Variants in PARD3B observed in about 807,000 individuals in gnomAD.
The protein encoded by PARD3B is par-3 family cell polarity regulator beta.
Under a neutral mutation model 130.2 loss-of-function variants are expected in PARD3B, and 103 were observed. The observed-to-expected ratio is 0.79, with a 90% CI of 0.67 to 0.93. The LOEUF is 0.93. Among genes scored for constraint, PARD3B ranks in the 40% least tolerant of loss-of-function variants. PARD3B has a pLI of 0.00. For synonymous variants in PARD3B, 583 were observed against 553.2 expected, an observed-to-expected ratio of 1.05 and a Z score of -0.76; for missense variants, 1,609 against 1,499.2, an observed-to-expected ratio of 1.07 and a Z score of -1.21.
rs560128486 is a variant in PARD3B at position 204,596,917 on chromosome 2, A to ACT, written c.120+50819_120+50820dup. Among the ~76,000 whole-genome samples, 790 of 125,168 alleles carry ACT rather than the reference A, an allele frequency of 6.3e-3. 4 individuals carry two copies. The highest frequency in any genetic ancestry group is 0.018 in the South Asian group (71 of 4,008). The allele number at this position is 125,168 out of a possible 152,430, so 82.1% of individuals were successfully genotyped here. ...TGGGCAACAAGAGAGAAACTCACTC[A>ACT]CTCTCTCTCTCTCTCTCTCTCTATC... is the stretch of plus-strand genomic sequence containing the variant. On this transcript the variant is annotated intron_variant, in intron 1 of 22. Coordinates refer to ENST00000406610, the MANE Select transcript of PARD3B (RefSeq NM_001302769.2).
chr2:204,952,289 A>G (rs1389733130), intron 2 of PARD3B, among the ~76,000 whole-genome samples: 1 of 152,160 alleles, frequency 6.6e-6, no homozygotes, highest in Non-Finnish European at 1.5e-5. Flanking sequence ...TTTGTTTAGA[A>G]TATGAATGTG....
intron 20 of PARD3B, among the ~76,000 whole-genome samples, chr2:205,481,589 A>G (rs1159574696): frequency 6.6e-6 from 1 of 152,234 alleles, no homozygotes; most frequent in African/African-American, 2.4e-5. Context: ...GAAGCCAACA[A>G]TAATATCAAA....
intron 21 of PARD3B, among the ~76,000 whole-genome samples, chr2:205,532,109 T>C (rs901814654): frequency 2.0e-5 from 3 of 152,216 alleles, no homozygotes; most frequent in Non-Finnish European, 4.4e-5. Flanking sequence ...TCCTTTGTGA[T>C]CATGCCTTGG....
At chr2:204,817,615 C>T (rs1052998409) in intron 2 of PARD3B, among the ~76,000 whole-genome samples, 1 of 152,094 alleles carries the variant, frequency 6.6e-6, no homozygotes. Flanking sequence ...TAATACTCAG[C>T]TGCAGGGGAC....
intron 3 of PARD3B, among the ~76,000 whole-genome samples, chr2:205,034,033 G>T (rs76631790): frequency 6.6e-6 from 1 of 152,098 alleles, no homozygotes; most frequent in Non-Finnish European, 1.5e-5. Flanking sequence ...TAAAATAAAT[G>T]TTGATGCTGA....
At chr2:205,543,536 A>G (rs1230906837) in intron 21 of PARD3B, among the ~76,000 whole-genome samples, 1 of 152,174 alleles carries the variant, frequency 6.6e-6, no homozygotes, top group Non-Finnish European at 1.5e-5. Context: ...ACAGAGTGAC[A>G]GTAATTATGT....
chr2:205,315,568 T>C (rs1180086652), intron 18 of PARD3B, among the ~76,000 whole-genome samples: 3 of 152,200 alleles, frequency 2.0e-5, no homozygotes, highest in Non-Finnish European at 1.5e-5. Context: ...ATGATTGTAA[T>C]GCAGCCAGTC....
intron 21 of PARD3B, among the ~76,000 whole-genome samples, chr2:205,551,239 T>C (rs928706783): frequency 6.6e-6 from 1 of 151,890 alleles, no homozygotes; most frequent in African/African-American, 2.4e-5. Flanking sequence ...CAGCATAGTA[T>C]TGATATTTGC....
chr2:205,169,249 A>G (rs1037475911), intron 11 of PARD3B, among the ~76,000 whole-genome samples: 2 of 152,128 alleles, frequency 1.3e-5, no homozygotes, highest in African/African-American at 4.8e-5. Flanking sequence ...TATTGCACCC[A>G]CAACTCTCTG....
At chr2:204,973,825 G>C (rs887745590) in intron 3 of PARD3B, among the ~76,000 whole-genome samples, 14 of 152,246 alleles carry the variant, frequency 9.2e-5, no homozygotes, top group African/African-American at 3.4e-4. Flanking sequence ...AGCTTGATCT[G>C]TTCATTCTCA....
At chr2:204,668,670 C>G (rs963524982) in intron 1 of PARD3B, among the ~76,000 whole-genome samples, 2 of 152,154 alleles carry the variant, frequency 1.3e-5, no homozygotes, top group African/African-American at 4.8e-5. Context: ...TGTTAAGACA[C>G]CTTTTTCATA....
At chr2:204,831,810 T>C (rs992836743) in intron 2 of PARD3B, among the ~76,000 whole-genome samples, 1 of 150,622 alleles carries the variant, frequency 6.6e-6, no homozygotes, top group African/African-American at 2.5e-5. Context: ...GAGAAAAGCT[T>C]CCAGATTTTT....
At chr2:204,841,317 A>C (rs1401106705) in intron 2 of PARD3B, among the ~76,000 whole-genome samples, 1 of 152,170 alleles carries the variant, frequency 6.6e-6, no homozygotes, top group East Asian at 1.9e-4. Context: ...CAAAAGGTGC[A>C]TGCCCACATT....
chr2:204,622,291 G>A (rs2034332393), intron 1 of PARD3B, among the ~76,000 whole-genome samples: 1 of 152,168 alleles, frequency 6.6e-6, no homozygotes, highest in African/African-American at 2.4e-5. Context: ...CTCAAGACCT[G>A]CTTCTTCCAC....
intron 2 of PARD3B, among the ~76,000 whole-genome samples, chr2:204,817,220 T>A (rs1414155772): frequency 6.6e-6 from 1 of 152,162 alleles, no homozygotes; most frequent in Non-Finnish European, 1.5e-5. Context: ...CTCTTTATTA[T>A]GAATCATGTT....
chr2:205,601,253 A>G (rs936769511), intron 22 of PARD3B, among the ~76,000 whole-genome samples: 1 of 152,182 alleles, frequency 6.6e-6, no homozygotes, highest in Non-Finnish European at 1.5e-5. Flanking sequence ...CTAACAATCA[A>G]TGACGTTGAC....
chr2:204,546,573 C>T (rs1246377179), intron 1 of PARD3B, among the ~76,000 whole-genome samples: 1 of 152,156 alleles, frequency 6.6e-6, no homozygotes, highest in African/African-American at 2.4e-5. Context: ...GTTGATTGTG[C>T]AAGTGACACA....
At chr2:204,589,514 C>T (rs1379487197) in intron 1 of PARD3B, among the ~76,000 whole-genome samples, 9 of 152,110 alleles carry the variant, frequency 5.9e-5, no homozygotes, top group Non-Finnish European at 8.8e-5. Flanking sequence ...CTTAGAATGC[C>T]TAGCAATGTG....
chr2:205,339,400 T>C (rs1319419805), intron 18 of PARD3B, among the ~76,000 whole-genome samples: 3 of 152,196 alleles, frequency 2.0e-5, no homozygotes, highest in Admixed American at 1.3e-4. Flanking sequence ...CAGGTAGTGA[T>C]TGAGGTGGTT....
Sources: allele counts gnomAD v4.1 joint callset (sites outside exome capture counted in the v4.1 genomes callset), GRCh38; gene constraint gnomAD v4.1.1; transcripts MANE v1.5; gene names NCBI Gene and HGNC (gene_info 2026-07-23, HGNC 2026-07-21).